Variants in SFMBT2 observed in about 807,000 individuals in gnomAD.
SFMBT2 encodes the protein Scm like with four mbt domains 2.
In SFMBT2, 38 loss-of-function variants were observed where a neutral mutation model predicts 110.1. The observed-to-expected ratio is 0.35, with a 90% CI of 0.27 to 0.45. SFMBT2 has a LOEUF of 0.45. Ranked by LOEUF, SFMBT2 falls within the 20% of genes least tolerant of loss-of-function variation. The probability of loss-of-function intolerance (pLI) is 1.00; values close to 1 mark genes in which losing one functional copy is unlikely to be tolerated. For missense variants in SFMBT2, 1,011 were observed against 1,094.9 expected (o/e 0.92, Z 1.08); for synonymous variants, 425 against 425.4 (o/e 1.00, Z 0.01).
At chr10:7,207,714 G>A in intron 11 of SFMBT2, 1 of 594,508 alleles carries the variant, frequency 1.7e-6, no homozygotes, top group Non-Finnish European at 2.1e-6. Flanking sequence ...TAAATCTGGT[G>A]CGAGCTCCAC....
chr10:7,186,230 G>GA (rs2131568836), intron 16 of SFMBT2, among the ~76,000 whole-genome samples: 1 of 151,878 alleles, frequency 6.6e-6, no homozygotes, highest in South Asian at 2.1e-4. Flanking sequence ...TTAGGAGGTG[G>GA]AAAAAACAAC....
At chr10:7,312,334 C>T (rs993835678) in intron 4 of SFMBT2, among the ~76,000 whole-genome samples, 2 of 152,170 alleles carry the variant, frequency 1.3e-5, no homozygotes, top group Admixed American at 6.5e-5. Flanking sequence ...CACCACCCAA[C>T]GCAGCCAAAC....
intron 10 of SFMBT2, 52 bp from the exon 11 acceptor site, chr10:7,220,589 A>C: frequency 6.2e-7 from 1 of 1,604,886 alleles, no homozygotes; most frequent in Non-Finnish European, 8.5e-7. Context: ...AGCAGGACAA[A>C]GCTGGGCAGA....
At chr10:7,319,906 CTA>C (rs1843127810) in intron 4 of SFMBT2, among the ~76,000 whole-genome samples, 1 of 114,750 alleles carries the variant, frequency 8.7e-6, no homozygotes, top group African/African-American at 3.4e-5. Flanking sequence ...CAGAGAGAGA[CTA>C]AGAGAGAGAG....
intron 11 of SFMBT2, among the ~76,000 whole-genome samples, chr10:7,220,161 G>T (rs955428230): frequency 6.6e-6 from 1 of 152,168 alleles, no homozygotes; most frequent in Non-Finnish European, 1.5e-5. Flanking sequence ...GATGTAAAAA[G>T]ACCACTGTGT....
intron 16 of SFMBT2, among the ~76,000 whole-genome samples, chr10:7,183,209 G>A (rs1588774697): frequency 1.3e-5 from 2 of 152,220 alleles, no homozygotes; most frequent in Non-Finnish European, 2.9e-5. Context: ...AAAGTTGTAA[G>A]GGAGAGGTCC....
chr10:7,323,589 T>A (rs1843272817), intron 4 of SFMBT2, among the ~76,000 whole-genome samples: 1 of 152,144 alleles, frequency 6.6e-6, no homozygotes, highest in South Asian at 2.1e-4. Context: ...AGTGGTTTTT[T>A]CAATCTGAAG....
Position 7,171,471 on chromosome 10 carries a change from T to C in SFMBT2, c.2416-415A>G. On this transcript the variant is annotated intron_variant, in intron 19 of 20. Coordinates refer to ENST00000397167, the MANE Select transcript of SFMBT2 (RefSeq NM_001387889.1). This position sits in a 1 kb window ranked among gnomAD's most constrained non-coding sequence, Gnocchi z 4.9. ...CTTTCTGCTGATCTCACACCACCCA[T>C]GGGGCTAGGGGAGACCTGAAACACT... is the stretch of plus-strand genomic sequence containing the variant. The C allele has an allele frequency of 1.0e-6, 1 of 985,386 alleles. No individual in the cohort carries two copies. Among genetic ancestry groups the C allele is most frequent in the Non-Finnish European group, 1.2e-6 (1 of 829,898 alleles). The allele number at this position is 985,386 out of a possible 1,614,324, so 61.0% of individuals were successfully genotyped here. A position where few individuals can be genotyped will look rare whatever the true frequency, so the allele number is the denominator to read the frequency against.
At chr10:7,409,052 G>T (rs1846299029) in intron 1 of SFMBT2, among the ~76,000 whole-genome samples, 1 of 151,884 alleles carries the variant, frequency 6.6e-6, no homozygotes, top group South Asian at 2.1e-4. Context: ...CTACGTGCTT[G>T]TCTCCCAGAG....
chr10:7,200,094 A>G (rs1027449440), intron 14 of SFMBT2, among the ~76,000 whole-genome samples: 2 of 152,220 alleles, frequency 1.3e-5, no homozygotes, highest in African/African-American at 4.8e-5. Context: ...TAATGAGATG[A>G]TATTTTCAAC....
intron 9 of SFMBT2, among the ~76,000 whole-genome samples, chr10:7,240,802 C>T (rs894876254): frequency 6.6e-6 from 1 of 152,166 alleles, no homozygotes; most frequent in African/African-American, 2.4e-5. Context: ...GTATTGTGTG[C>T]TCTTCTGAGG....
At chr10:7,366,984 A>C (rs1844928565) in intron 4 of SFMBT2, among the ~76,000 whole-genome samples, 1 of 152,160 alleles carries the variant, frequency 6.6e-6, no homozygotes, top group Admixed American at 6.5e-5. Flanking sequence ...CTTTGTAGCA[A>C]CTAAATTGAT....
chr10:7,253,380 T>C (rs10752104), intron 7 of SFMBT2, among the ~76,000 whole-genome samples: 79,845 of 151,970 alleles, frequency 0.53, 22,143 homozygotes, highest in East Asian at 0.84. Flanking sequence ...TACCGAGCCC[T>C]TCACTTGTGG....
intron 7 of SFMBT2, among the ~76,000 whole-genome samples, chr10:7,256,371 C>T (rs1841007770): frequency 6.6e-6 from 1 of 152,206 alleles, no homozygotes; most frequent in Non-Finnish European, 1.5e-5. Context: ...AGAGCTATTG[C>T]TAAGTTAAAA....
intron 4 of SFMBT2, among the ~76,000 whole-genome samples, chr10:7,321,789 C>T (rs1175448125): frequency 3.3e-5 from 5 of 152,204 alleles, no homozygotes; most frequent in Non-Finnish European, 7.3e-5. Context: ...ACCTGGGATG[C>T]TTGTCAGCAC....
chr10:7,324,189 T>C (rs1033153740), intron 4 of SFMBT2, among the ~76,000 whole-genome samples: 4 of 152,244 alleles, frequency 2.6e-5, no homozygotes, highest in Admixed American at 6.5e-5. Flanking sequence ...ATTTACCTTT[T>C]GTCCTTTCCT....
chr10:7,231,344 G>A (rs1341460493), intron 9 of SFMBT2, among the ~76,000 whole-genome samples: 1 of 152,224 alleles, frequency 6.6e-6, no homozygotes, highest in African/African-American at 2.4e-5. Context: ...GATCCCTGGG[G>A]TGGGGAGGAG....
intron 4 of SFMBT2, among the ~76,000 whole-genome samples, chr10:7,315,052 G>C (rs888071110): frequency 2.4e-5 from 3 of 124,886 alleles, no homozygotes; most frequent in African/African-American, 8.7e-5. Flanking sequence ...AAGAAAGAAA[G>C]AAAGAAAGAA....
At chr10:7,236,753 C>T (rs918695572) in intron 9 of SFMBT2, among the ~76,000 whole-genome samples, 1 of 151,870 alleles carries the variant, frequency 6.6e-6, no homozygotes, top group Non-Finnish European at 1.5e-5. Context: ...ACAATGCATA[C>T]AGGGAAAGAT....
Sources: gnomAD v4.1 joint callset for allele counts (sites outside exome capture counted in the v4.1 genomes callset) on GRCh38, gnomAD v4.1.1 for gene constraint, Gnocchi (gnomAD v3.1) non-coding constraint, MANE v1.5 for transcripts, NCBI Gene and HGNC (gene_info 2026-07-23, HGNC 2026-07-21) for gene names.